ECHDC1: variants seen among roughly 807,000 people sequenced by gnomAD.
The protein encoded by ECHDC1 is ethylmalonyl-CoA decarboxylase 1.
Under a neutral mutation model 29.7 loss-of-function variants are expected in ECHDC1, and 29 were observed. The ratio of observed to expected loss-of-function variants is 0.98; its 90% CI spans 0.73 to 1.33. The LOEUF is 1.33. Among genes scored for constraint, ECHDC1 ranks in the 40% most tolerant of loss-of-function variants. The pLI is 0.00. For missense variants in ECHDC1, 328 were observed against 350.0 expected (o/e 0.94, Z 0.50); for synonymous variants, 126 against 123.1 (o/e 1.02, Z -0.15).
In ECHDC1 at chr6:127,342,435, T is replaced by C. The variant is rs1337553259; in HGVS notation, c.-3+901A>G. 10 of 1,509,008 alleles carry C rather than the reference T, an allele frequency of 6.6e-6. No individual in the cohort carries two copies. In the Middle Eastern group the frequency reaches 5.2e-4, roughly 78 times the overall value. 93.5% of individuals were successfully genotyped at this position (1,509,008 alleles called of 1,614,324 possible). ...TCATTGCAGGAATCCCAGCTGATTATACAGTCGCCTTTCAGGCCAGAACCC... is the reference window on the plus strand; with the variant it reads ...TCATTGCAGGAATCCCAGCTGATTACACAGTCGCCTTTCAGGCCAGAACCC... On this transcript the variant is annotated intron_variant, in intron 1 of 5. Coordinates refer to ENST00000454859, the MANE Select transcript of ECHDC1 (RefSeq NM_001002030.2).
rs149179621 is a variant in ECHDC1, at chr6:127,334,808, T to C, written c.-2-3778A>G. Among the ~76,000 whole-genome samples the C allele has an allele frequency of 4.6e-5, 7 of 152,234 alleles. No homozygotes were observed. In the South Asian group the frequency reaches 8.3e-4, roughly 18 times the overall value. ...CTAAAAGTGATTCCCCAAGTAAAGATAATCACTCCCTTTATTTATCCCAGC... is the reference window on the plus strand; with the variant it reads ...CTAAAAGTGATTCCCCAAGTAAAGACAATCACTCCCTTTATTTATCCCAGC... On this transcript the variant is annotated intron_variant, in intron 1 of 5. Coordinates refer to ENST00000454859, the MANE Select transcript of ECHDC1 (RefSeq NM_001002030.2).
chr6:127,317,973 CA>C (rs1382173070), intron 3 of ECHDC1: 1 of 152,136 alleles, frequency 6.6e-6, no homozygotes, highest in Non-Finnish European at 1.5e-5. Flanking sequence ...TGGCTGGAGA[CA>C]ACAGCTTTGC....
At chr6:127,321,961 C>T (rs1316000076) in intron 3 of ECHDC1, among the ~76,000 whole-genome samples, 1 of 151,890 alleles carries the variant, frequency 6.6e-6, no homozygotes, top group African/African-American at 2.4e-5. Context: ...CAAGATCACA[C>T]CACTGTACTC....
chr6:127,328,775 C>T (rs1041858792), intron 2 of ECHDC1, among the ~76,000 whole-genome samples: 2 of 152,144 alleles, frequency 1.3e-5, no homozygotes, highest in African/African-American at 2.4e-5. Flanking sequence ...GCCTGTAATC[C>T]CAGCACTTTG....
At chr6:127,321,495 G>C (rs553319299) in intron 3 of ECHDC1, among the ~76,000 whole-genome samples, 1 of 152,084 alleles carries the variant, frequency 6.6e-6, no homozygotes, top group African/African-American at 2.4e-5. Context: ...TGGAAATATC[G>C]GGAACTTTAC....
At chr6:127,328,822 C>T (rs1011665768) in intron 2 of ECHDC1, among the ~76,000 whole-genome samples, 3 of 152,146 alleles carry the variant, frequency 2.0e-5, no homozygotes, top group Admixed American at 6.5e-5. Context: ...GTCAGGAGAT[C>T]GAGACCATCC....
intron 5 of ECHDC1, among the ~76,000 whole-genome samples, chr6:127,312,781 C>G (rs1782046132): frequency 6.6e-6 from 1 of 152,110 alleles, no homozygotes; most frequent in South Asian, 2.1e-4. Context: ...TGCAAAAACA[C>G]AGATAAATCT....
rs1293866366 is a variant in ECHDC1 at position 127,331,534 on chromosome 6, C to CA, written c.-2-505dup. Among the ~76,000 whole-genome samples the CA allele has an allele frequency of 3.3e-5, 5 of 152,202 alleles. No individual in the cohort carries two copies. In the East Asian group the frequency reaches 7.7e-4, roughly 23 times the overall value. ...CCTCCTTCTCAAACCAAATAATTCA[C>CA]AAAGCATATCATTTCAGTATATATC... On this transcript the variant is annotated intron_variant, in intron 1 of 5. Coordinates refer to ENST00000454859, the MANE Select transcript of ECHDC1 (RefSeq NM_001002030.2).
At chr6:127,294,814 T>G (rs1056007402) in intron 5 of ECHDC1, 5 of 151,718 alleles carry the variant, frequency 3.3e-5, no homozygotes, top group Non-Finnish European at 1.5e-5. Flanking sequence ...GGTGGACATC[T>G]CCTATTCAGA....
At chr6:127,316,229 T>C (rs2057223) in intron 4 of ECHDC1, 352,010 of 477,770 alleles carry the variant, frequency 0.74, 130,443 homozygotes, top group East Asian at 0.78. Context: ...GTCTTAAATT[T>C]TTCTTATCTT....
chr6:127,318,777 G>C (rs1488554209), intron 3 of ECHDC1, among the ~76,000 whole-genome samples: 1 of 152,196 alleles, frequency 6.6e-6, no homozygotes, highest in Admixed American at 6.5e-5. Context: ...ATGAATTTTA[G>C]ATGGAGAACT....
chr6:127,322,646 G>GTATATATA (rs60212728), intron 3 of ECHDC1, among the ~76,000 whole-genome samples: 3 of 149,232 alleles, frequency 2.0e-5, no homozygotes, highest in Admixed American at 6.7e-5. Flanking sequence ...ATATATGTGT[G>GTATATATA]TATATATATA....
intron 2 of ECHDC1, chr6:127,329,870 ATC>A (rs1042880262): frequency 2.2e-6 from 1 of 455,260 alleles, no homozygotes; most frequent in African/African-American, 2.0e-5. Flanking sequence ...GTATAGAGAA[ATC>A]TCTCTGAATT....
chr6:127,322,255 G>A (rs185828389), intron 3 of ECHDC1, among the ~76,000 whole-genome samples: 2 of 151,970 alleles, frequency 1.3e-5, no homozygotes, highest in Middle Eastern at 3.4e-3. Flanking sequence ...GCAGTGAGTC[G>A]AGATCGCTGC....
rs1484436286 is a variant in ECHDC1, at chr6:127,321,908, C to T, written c.363+5094G>A. 2.0e-5 allele frequency among the ~76,000 whole-genome samples: 3 copies of T among 152,022 alleles called. No homozygotes were observed. The South Asian group carries it at 6.2e-4, about 31-fold the overall frequency. On this transcript the variant is annotated intron_variant, in intron 3 of 5. Transcript: ENST00000454859. ...ATCCCAGCTACTTGGGAGGCTGAGGCAGGAAAATTGCTTGAACCCAGGAGG... is the reference window on the plus strand; with the variant it reads ...ATCCCAGCTACTTGGGAGGCTGAGGTAGGAAAATTGCTTGAACCCAGGAGG...
chr6:127,332,982 A>G (rs1208531011), intron 1 of ECHDC1, among the ~76,000 whole-genome samples: 1 of 152,168 alleles, frequency 6.6e-6, no homozygotes, highest in Admixed American at 6.5e-5. Flanking sequence ...TAGTAAAGAC[A>G]GAGTTTCGCC....
At chr6:127,303,799 C>T (rs9401948) in intron 5 of ECHDC1, among the ~76,000 whole-genome samples, 19,919 of 152,092 alleles carry the variant, frequency 0.13, 2,563 homozygotes, top group East Asian at 0.56. Flanking sequence ...GGCCATGGGG[C>T]GACACTCCTC....
At chr6:127,296,381 G>A (rs1780597823) in intron 5 of ECHDC1, among the ~76,000 whole-genome samples, 1 of 152,086 alleles carries the variant, frequency 6.6e-6, no homozygotes, top group Non-Finnish European at 1.5e-5. Flanking sequence ...TTTTAGTAGA[G>A]ACAGGGTTTC....
intron 1 of ECHDC1, among the ~76,000 whole-genome samples, chr6:127,340,998 T>C (rs1784894065): frequency 6.6e-6 from 1 of 152,230 alleles, no homozygotes; most frequent in African/African-American, 2.4e-5. Context: ...TATCCTCAAA[T>C]CTTTAAAACA....
Sources: gnomAD v4.1 joint callset for allele counts (sites outside exome capture counted in the v4.1 genomes callset) on GRCh38, gnomAD v4.1.1 for gene constraint, MANE v1.5 for transcripts, NCBI Gene and HGNC (gene_info 2026-07-23, HGNC 2026-07-21) for gene names.